Variants in COL6A2 observed in about 807,000 individuals in gnomAD.
COL6A2 encodes the protein collagen type VI alpha 2 chain, also known as collagen alpha-2(VI) chain.
Under a neutral mutation model 124.9 loss-of-function variants are expected in COL6A2, and 90 were observed. The ratio of observed to expected loss-of-function variants is 0.72; its 90% CI spans 0.61 to 0.86. The LOEUF (loss-of-function observed/expected upper bound fraction) is 0.86. Among genes scored for constraint, COL6A2 ranks in the 40% least tolerant of loss-of-function variants. COL6A2 has a pLI of 0.00. For synonymous variants in COL6A2, 793 were observed against 618.2 expected, an observed-to-expected ratio of 1.28 and a Z score of -4.19; for missense variants, 1,607 against 1,502.5, an observed-to-expected ratio of 1.07 and a Z score of -1.15.
chr21:46,126,623 G>T, intron 27 of COL6A2, 82 bp downstream of exon 27: 2 of 1,563,896 alleles, frequency 1.3e-6, no homozygotes, highest in African/African-American at 1.4e-5. Flanking sequence ...CGGGCTGGGG[G>T]AGGGGCCGTG....
At chr21:46,124,223 TGATGGATGGGTGACTGGGTG>T (rs1376754980) in intron 21 of COL6A2, among the ~76,000 whole-genome samples, 2 of 147,152 alleles carry the variant, frequency 1.4e-5, no homozygotes, top group Non-Finnish European at 3.0e-5. Flanking sequence ...GGTGGATGGA[TGATGGATGGGTGACTGGGTG>T]GATGGATGGA....
chr21:46,130,173 A>G (rs1204111749), intron 27 of COL6A2, among the ~76,000 whole-genome samples: 1 of 152,182 alleles, frequency 6.6e-6, no homozygotes, highest in East Asian at 1.9e-4. Context: ...CATGCACAGT[A>G]GGGCGAATGG....
chr21:46,132,409 G>T lies in COL6A2; in HGVS notation c.2917G>T (p.Val973Leu), dbSNP rs145959270. Reference protein sequence around the residue: ...SMRKQNVVPTVLALGSDVDMD... With the variant: ...SMRKQNVVPTLLALGSDVDMD... ...GCGCAAGCAGAACGTGGTACCCACC[G>T]TGCTGGCCTTGGGCAGCGACGTGGA... The change falls in exon 28 of 28, where the codon GTG becomes TTG. Residue 973 changes from valine (V) to leucine (L), a missense_variant. Physicochemically the swap from Val to Leu is conservative, Grantham distance 32. Around this residue, in one of 3 missense-constraint regions of COL6A2, gnomAD observed 1,223 missense variants for 1,052.2 expected, o/e 1.16. Transcript: ENST00000300527. 3.1e-6 allele frequency: 5 copies of T among 1,608,126 alleles called. No individual in the cohort carries two copies. In the Admixed American group the frequency reaches 6.7e-5, roughly 21 times the overall value.
At chr21:46,113,789 C>G in intron 4 of COL6A2, 1 of 622,232 alleles carries the variant, frequency 1.6e-6, no homozygotes, top group South Asian at 1.8e-5. Context: ...CCTAGAACAC[C>G]TGACCGAGAG....
chr21:46,130,913 C>T (rs928571005), intron 27 of COL6A2, among the ~76,000 whole-genome samples: 6 of 152,232 alleles, frequency 3.9e-5, no homozygotes, highest in African/African-American at 1.2e-4. Context: ...GCGTCCATGT[C>T]TCAAGCGTTC....
In COL6A2 at chr21:46,116,228, A is replaced by G. The variant is rs367601239; in HGVS notation, c.901-149A>G. The G allele has an allele frequency of 5.2e-6, 6 of 1,155,786 alleles. No homozygotes were observed. In the South Asian group the frequency reaches 5.2e-5, roughly 10 times the overall value. The allele number at this position is 1,155,786 out of a possible 1,614,324, so 71.6% of individuals were successfully genotyped here. On this transcript the variant is annotated intron_variant, in intron 7 of 27. Coordinates refer to ENST00000300527, the MANE Select transcript of COL6A2 (RefSeq NM_001849.4). The surrounding 1 kb of genome is among the most constrained non-coding windows in gnomAD (Gnocchi z 4.6). ...CAAAACCCAGCCTCCAGCCCGACCC[A>G]GGGCTCAGCCTCCTCCGCAGACTGT...
chr21:46,116,958 A>ACAC lies in COL6A2; in HGVS notation c.999+144_999+145insCAC. 3.2e-5 allele frequency: 17 copies of ACAC among 524,890 alleles called. No individual in the cohort carries two copies. Among genetic ancestry groups the ACAC allele is most frequent in the Admixed American group, 1.2e-4 (3 of 24,646 alleles). The allele number at this position is 524,890 out of a possible 1,614,324, so 32.5% of individuals were successfully genotyped here. ...ACACACACACACACACACACACACG[A>ACAC]ACTTCAGCTCCTGCCACATCCCACT... On this transcript the variant is annotated intron_variant, in intron 10 of 27. Transcript: ENST00000300527. The surrounding 1 kb of genome is among the most constrained non-coding windows in gnomAD (Gnocchi z 4.6).
rs751206196 is a variant in COL6A2 at position 46,126,218 on chromosome 21, G to A, written c.2403G>A (p.Met801Ile). 4 of 1,600,392 alleles carry A rather than the reference G, an allele frequency of 2.5e-6. No individual in the cohort carries two copies. The highest frequency in any genetic ancestry group is 1.3e-5 in the African/African-American group (1 of 74,990). Residue 801 changes from methionine (M) to isoleucine (I), a missense_variant, in exon 26 of 28, where the codon ATG (methionine) becomes ATA (isoleucine). Met to Ile is a conservative substitution (Grantham distance 10). Coordinates refer to ENST00000300527, the MANE Select transcript of COL6A2 (RefSeq NM_001849.4). ...DLVAEKFIDD[M>I]EDVLCPDPQI... ...TCGCTGAGAAGTTCATCGATGACAT[G>A]GAGGACGTCCTCTGCCCGGGTGAGC... is the stretch of plus-strand genomic sequence containing the variant.
chr21:46,126,577 A>G (rs1335548491), intron 27 of COL6A2, 36 bp downstream of exon 27: 9 of 1,612,322 alleles, frequency 5.6e-6, no homozygotes, highest in South Asian at 1.1e-5. Context: ...ACCCCAGACT[A>G]GCAAAGCAGC....
intron 15 of COL6A2, among the ~76,000 whole-genome samples, chr21:46,120,279 C>T (rs939657492): frequency 1.3e-5 from 2 of 152,202 alleles, no homozygotes; most frequent in African/African-American, 4.8e-5. Flanking sequence ...GGACGAGGTC[C>T]TACCCACGTG....
At position 46,116,858 on chromosome 21, in the gene COL6A2, G is replaced by T; in HGVS notation, c.999+44G>T. 6.2e-7 allele frequency: 1 copy of T among 1,609,124 alleles called. No individual in the cohort carries two copies. The highest frequency in any genetic ancestry group is 8.5e-7 in the Non-Finnish European group (1 of 1,177,458). On this transcript the variant is annotated intron_variant, in intron 10 of 27. Transcript: ENST00000300527. The surrounding 1 kb of genome is among the most constrained non-coding windows in gnomAD (Gnocchi z 4.6). ...TCACAGCTGGACTGGTCTCACAGAG[G>T]CATCCCAGCCTCTGCAGGGCCCCCA...
At chr21:46,119,689 T>G (rs2078529660) in intron 14 of COL6A2, 99 bp from the exon 15 acceptor site, 4 of 1,109,402 alleles carry the variant, frequency 3.6e-6, no homozygotes, top group Non-Finnish European at 5.3e-6. Context: ...AGAGCCCTCC[T>G]GTAGAGAAGG....
chr21:46,120,084 T>C (rs1228654705), intron 15 of COL6A2, among the ~76,000 whole-genome samples: 1 of 75,558 alleles, frequency 1.3e-5, no homozygotes, highest in African/African-American at 3.7e-5. Flanking sequence ...GCAGGCACCA[T>C]TCACCCCCGG....
In COL6A2 at chr21:46,125,454, C is replaced by CA. The variant is rs1568939420; in HGVS notation, c.1817-10dup. On this transcript the variant is annotated splice_polypyrimidine_tract_variant and intron_variant, in intron 24 of 27. Transcript: ENST00000300527. The stretch of plus-strand genomic sequence containing the variant: ...CCCCGGTACCCCCCGATGACCCTGC[C>CA]ACCCCCCCAGACTGTGAGAAGCGCT... The CA allele has an allele frequency of 6.2e-7, 1 of 1,608,182 alleles. No individual in the cohort carries two copies. Among genetic ancestry groups the CA allele is most frequent in the Non-Finnish European group, 8.5e-7 (1 of 1,177,376 alleles).
chr21:46,123,983 G>C (rs1227541807), intron 21 of COL6A2, among the ~76,000 whole-genome samples: 1 of 149,824 alleles, frequency 6.7e-6, no homozygotes, highest in South Asian at 2.1e-4. Flanking sequence ...GTGAGTGGGG[G>C]GATGGGTAGG....
Position 46,132,743 on chromosome 21 carries a change from C to T in COL6A2, c.*191C>T, listed in dbSNP as rs966212477. 3.4e-5 allele frequency: 21 copies of T among 621,692 alleles called. No homozygotes were observed. Among genetic ancestry groups the T allele is most frequent in the African/African-American group, 9.2e-5 (5 of 54,368 alleles). 38.5% of individuals were successfully genotyped at this position (621,692 alleles called of 1,614,324 possible). On this transcript the variant is annotated 3_prime_UTR_variant, in exon 28 of 28. Transcript: ENST00000300527. ...CAGCCCCAGGTCTCCCCAGGCCCTC[C>T]GCAGGCTGCCCGGCCTCCCTCCCCC...
In COL6A2 at chr21:46,116,115, C is replaced by T. The variant is rs921155164; in HGVS notation, c.900+62C>T. On this transcript the variant is annotated intron_variant, in intron 7 of 27. Coordinates refer to ENST00000300527, the MANE Select transcript of COL6A2 (RefSeq NM_001849.4). The surrounding 1 kb of genome is among the most constrained non-coding windows in gnomAD (Gnocchi z 4.6). ...AGGCCCCAGCACTGCCAGGCAGGCT[C>T]CCCCCAGCCCAGCCTCGGCCTCAGC... The T allele has an allele frequency of 6.7e-7, 1 of 1,498,804 alleles. No individual in the cohort carries two copies. The highest frequency in any genetic ancestry group is 1.2e-5 in the South Asian group (1 of 83,140). 92.8% of individuals were successfully genotyped at this position (1,498,804 alleles called of 1,614,324 possible). A position where few individuals can be genotyped will look rare whatever the true frequency, so the allele number is the denominator to read the frequency against.
Position 46,120,542 on chromosome 21 carries a change from G to T in COL6A2, c.1360G>T (p.Gly454Cys). 1 of 1,478,250 alleles carries T rather than the reference G, an allele frequency of 6.8e-7. No individual in the cohort carries two copies. Among genetic ancestry groups the T allele is most frequent in the Non-Finnish European group, 9.0e-7 (1 of 1,116,318 alleles). The allele number at this position is 1,478,250 out of a possible 1,614,324, so 91.6% of individuals were successfully genotyped here. Reference protein sequence around the residue: ...KGDPGPEGPRGLAGEVGNKGA... With the variant: ...KGDPGPEGPRCLAGEVGNKGA... ...GGACCCTGGCCCTGAGGGGCCCCGC[G>T]GCCTGGCTGGAGAGGTTGGCAACAA... is the stretch of plus-strand genomic sequence containing the variant. Residue 454 changes from glycine (G) to cysteine (C), a missense_variant, in exon 16 of 28, where the codon GGC becomes TGC. By Grantham distance (159) the Gly-to-Cys change is radical. Coordinates refer to ENST00000300527, the MANE Select transcript of COL6A2 (RefSeq NM_001849.4).
rs1349155389 is a variant in COL6A2, at chr21:46,116,198, C to T, written c.900+145C>T. ...AGAAGCACCTCGATAACTTGATGGC[C>T]GTCCCAAAACCCAGCCTCCAGCCCG... On this transcript the variant is annotated intron_variant, in intron 7 of 27. Coordinates refer to ENST00000300527, the MANE Select transcript of COL6A2 (RefSeq NM_001849.4). This position sits in a 1 kb window ranked among gnomAD's most constrained non-coding sequence, Gnocchi z 4.6. The T allele has an allele frequency of 6.5e-5, 74 of 1,145,604 alleles. No homozygotes were observed. Among genetic ancestry groups the T allele is most frequent in the Admixed American group, 4.0e-4 (20 of 50,382 alleles). The allele number at this position is 1,145,604 out of a possible 1,614,324, so 71.0% of individuals were successfully genotyped here. A position where few individuals can be genotyped will look rare whatever the true frequency, so the allele number is the denominator to read the frequency against.
Sources: allele counts gnomAD v4.1 joint callset (sites outside exome capture counted in the v4.1 genomes callset), GRCh38; gene constraint gnomAD v4.1.1; regional missense constraint gnomAD v4.1.1; non-coding constraint Gnocchi (gnomAD v3.1); transcripts MANE v1.5; gene names NCBI Gene and HGNC (gene_info 2026-07-23, HGNC 2026-07-21).